The following ZFC3H1 variants were observed in gnomAD, a reference collection of about 807,000 sequenced individuals.
The protein encoded by ZFC3H1 is zinc finger C3H1 domain-containing protein.
ZFC3H1 carries 71 observed loss-of-function variants against 243.7 expected under a neutral mutation model. The observed-to-expected ratio is 0.29, with a 90% CI of 0.24 to 0.36. The LOEUF is 0.36. Among genes scored for constraint, ZFC3H1 ranks in the 10% least tolerant of loss-of-function variants. The pLI, the probability that ZFC3H1 is intolerant of heterozygous loss-of-function variation, is 1.00. For synonymous variants in ZFC3H1, 838 were observed against 813.0 expected (o/e 1.03, Z -0.52); for missense variants, 1,966 against 2,317.1 (o/e 0.85, Z 3.11).
intron 24 of ZFC3H1, among the ~76,000 whole-genome samples, chr12:71,621,527 C>A (rs957458698): frequency 1.2e-4 from 18 of 152,078 alleles, no homozygotes; most frequent in African/African-American, 4.3e-4. Flanking sequence ...TGGTCTCAAA[C>A]TCCTGACCTC....
chr12:71,662,852 T>G (rs1016376087), intron 1 of ZFC3H1, 161 bp downstream of exon 1: 16 of 759,028 alleles, frequency 2.1e-5, no homozygotes, highest in Non-Finnish European at 3.3e-5. Context: ...CGCTATAGTG[T>G]GACACATGGG....
At chr12:71,619,168 TTATTCTGTTTCAAG>T (rs766663205) in intron 27 of ZFC3H1, 133 bp downstream of exon 27, 271 of 620,972 alleles carry the variant, frequency 4.4e-4, no homozygotes, top group Non-Finnish European at 6.0e-4. Context: ...ATTGTTCTAT[TTATTCTGTTTCAAG>T]TATTCTGTTA....
chr12:71,655,922 T>C (rs1355044124), intron 2 of ZFC3H1, among the ~76,000 whole-genome samples: 1 of 152,022 alleles, frequency 6.6e-6, no homozygotes, highest in Non-Finnish European at 1.5e-5. Flanking sequence ...CCAAACATAA[T>C]TGGGAAATGG....
At chr12:71,649,817 C>T (rs1035089530) in intron 2 of ZFC3H1, among the ~76,000 whole-genome samples, 1 of 152,182 alleles carries the variant, frequency 6.6e-6, no homozygotes, top group African/African-American at 2.4e-5. Context: ...AAAATGGCAG[C>T]ACCTCCCTTT....
rs558885675 is a variant in ZFC3H1 at position 71,617,682 on chromosome 12, C to A, written c.5144+1633G>T. On this transcript the variant is annotated intron_variant, in intron 27 of 34. Transcript: ENST00000378743. Reference sequence around the variant, plus strand: ...TTTGCCTGAGCTTGAGATGTTAAAGCAAACTAATTTAAACGAGGAAGAAAC... The same window carrying A: ...TTTGCCTGAGCTTGAGATGTTAAAGAAAACTAATTTAAACGAGGAAGAAAC... Among the ~76,000 whole-genome samples the A allele has an allele frequency of 1.4e-4, 21 of 152,304 alleles. 1 individual carries two copies. In the South Asian group the frequency reaches 4.4e-3, roughly 32 times the overall value.
intron 4 of ZFC3H1, 116 bp from the exon 5 acceptor site, chr12:71,644,434 T>C (rs1016544121): frequency 1.8e-6 from 2 of 1,136,128 alleles, no homozygotes; most frequent in African/African-American, 1.6e-5. Context: ...AAGTTGTTTA[T>C]ATAAGATTGT....
At chr12:71,618,364 C>G (rs1434861199) in intron 27 of ZFC3H1, among the ~76,000 whole-genome samples, 1 of 151,288 alleles carries the variant, frequency 6.6e-6, no homozygotes, top group Non-Finnish European at 1.5e-5. Context: ...ATTCTATTTT[C>G]GCTCATCTGT....
Position 71,636,648 on chromosome 12 carries a change from A to T in ZFC3H1, c.1942T>A (p.Ser648Thr). The T allele has an allele frequency of 1.2e-6, 2 of 1,605,062 alleles. No homozygotes were observed. The highest frequency in any genetic ancestry group is 1.7e-6 in the Non-Finnish European group (2 of 1,177,776). Residue 648 changes from serine to threonine, a missense_variant, in exon 9 of 35, where the codon TCC becomes ACC. Ser to Thr is a moderately conservative substitution (Grantham distance 58). Around this residue, in one of 4 missense-constraint regions of ZFC3H1, gnomAD observed 1,383 missense variants for 1,723.7 expected, o/e 0.80. Transcript: ENST00000378743. The stretch of plus-strand genomic sequence containing the variant: ...GGTGAAGGTGGGTCACTATTACTGG[A>T]TGTTTCCTACATAAGGAAGAGAAAG... ...NKRAFKPEETSSNSDPPSPPV... is the reference protein window; with the variant it reads ...NKRAFKPEETTSNSDPPSPPV...
chr12:71,629,127 T>G, intron 19 of ZFC3H1, 90 bp from the exon 20 acceptor site: 5 of 1,104,844 alleles, frequency 4.5e-6, no homozygotes, highest in Non-Finnish European at 5.0e-6. Context: ...TGAGAAGAAC[T>G]ACATTCACTC....
chr12:71,633,547 GAC>G, intron 12 of ZFC3H1, 109 bp from the exon 13 acceptor site: 1 of 800,898 alleles, frequency 1.2e-6, no homozygotes. Context: ...GCATCTACGA[GAC>G]ACAGATAAAA....
chr12:71,635,338 T>C (rs1413044114), intron 10 of ZFC3H1, 105 bp downstream of exon 10: 1 of 1,368,212 alleles, frequency 7.3e-7, no homozygotes, highest in Non-Finnish European at 9.8e-7. Flanking sequence ...CACAAATCAA[T>C]GTTATTAAAA....
At chr12:71,619,060 A>G (rs1879961490) in intron 27 of ZFC3H1, among the ~76,000 whole-genome samples, 1 of 152,236 alleles carries the variant, frequency 6.6e-6, no homozygotes, top group Non-Finnish European at 1.5e-5. Context: ...ACGATAAAGT[A>G]AAAGAATGAG....
At chr12:71,637,877 T>C (rs986142424) in intron 7 of ZFC3H1, among the ~76,000 whole-genome samples, 1 of 152,210 alleles carries the variant, frequency 6.6e-6, no homozygotes, top group African/African-American at 2.4e-5. Flanking sequence ...GTGTGATTCC[T>C]CTACTTCCTT....
intron 9 of ZFC3H1, 107 bp from the exon 10 acceptor site, chr12:71,635,687 T>C (rs1279169447): frequency 7.0e-6 from 8 of 1,136,526 alleles, no homozygotes; most frequent in Middle Eastern, 3.1e-4. Context: ...AGTCTATGGC[T>C]CCTTCTAGGG....
chr12:71,621,307 T>C (rs1880020329), intron 24 of ZFC3H1, among the ~76,000 whole-genome samples: 1 of 110,786 alleles, frequency 9.0e-6, no homozygotes, highest in South Asian at 2.7e-4. Context: ...CACTTCCTTT[T>C]CTTTTTTTTT....
At chr12:71,631,353 C>A (rs1880318829) in intron 16 of ZFC3H1, among the ~76,000 whole-genome samples, 1 of 152,068 alleles carries the variant, frequency 6.6e-6, no homozygotes, top group Admixed American at 6.5e-5. Context: ...AACATTCTCA[C>A]AACTTTTAAA....
At chr12:71,629,935 C>T (rs1290957561) in intron 18 of ZFC3H1, among the ~76,000 whole-genome samples, 4 of 151,632 alleles carry the variant, frequency 2.6e-5, no homozygotes, top group Non-Finnish European at 5.9e-5. Flanking sequence ...AAAAGTAGTT[C>T]CTAAAATGAA....
intron 20 of ZFC3H1, among the ~76,000 whole-genome samples, chr12:71,628,547 AT>A (rs1187583467): frequency 2.0e-5 from 3 of 152,238 alleles, no homozygotes; most frequent in Non-Finnish European, 4.4e-5. Flanking sequence ...CAGAAAACAT[AT>A]TCAAAGATGA....
intron 4 of ZFC3H1, 105 bp from the exon 5 acceptor site, chr12:71,644,423 T>A: frequency 2.5e-6 from 3 of 1,217,638 alleles, no homozygotes; most frequent in Non-Finnish European, 3.4e-6. Context: ...ATGATGCTCC[T>A]AAGTTGTTTA....
Sources: gnomAD v4.1 joint callset for allele counts (sites outside exome capture counted in the v4.1 genomes callset) on GRCh38, gnomAD v4.1.1 for gene constraint, gnomAD v4.1.1 regional missense constraint, MANE v1.5 for transcripts, NCBI Gene and HGNC (gene_info 2026-07-23, HGNC 2026-07-21) for gene names.